USP38: variants seen among roughly 807,000 people sequenced by gnomAD.
The protein encoded by USP38 is ubiquitin carboxyl-terminal hydrolase 38.
A neutral mutation model predicts 94.3 loss-of-function variants in USP38; 49 were observed. The ratio of observed to expected loss-of-function variants is 0.52; its 90% CI spans 0.41 to 0.66. The LOEUF (loss-of-function observed/expected upper bound fraction) is 0.66, where lower values mean the gene tolerates loss of function less well. USP38 is among the 30% of genes least tolerant of loss of function. The pLI is 0.00. For missense variants in USP38, 1,128 were observed against 1,229.4 expected (o/e 0.92, Z 1.23); for synonymous variants, 468 against 463.6 (o/e 1.01, Z -0.12).
intron 2 of USP38, among the ~76,000 whole-genome samples, chr4:143,192,344 A>G (rs1731420140): frequency 6.6e-6 from 1 of 152,046 alleles, no homozygotes; most frequent in African/African-American, 2.4e-5. Flanking sequence ...TTGTATTTTT[A>G]GTAGAGATGG....
intron 2 of USP38, among the ~76,000 whole-genome samples, chr4:143,192,985 C>G (rs1038945438): frequency 6.6e-6 from 1 of 152,148 alleles, no homozygotes; most frequent in African/African-American, 2.4e-5. Flanking sequence ...ACTCTCTGCT[C>G]TCGTCCTCTC....
At position 143,213,702 on chromosome 4, in the gene USP38, C is replaced by A. The variant is rs201418148; in HGVS notation, c.1726C>A (p.Pro576Thr). 6 of 1,613,686 alleles carry A rather than the reference C, an allele frequency of 3.7e-6. No homozygotes were observed. Among genetic ancestry groups the A allele is most frequent in the Non-Finnish European group, 4.2e-6 (5 of 1,179,808 alleles). ...ASKAAVLTET[P>T]RTSDGEKTLI... is the part of the protein sequence containing the mutation. ...TAAAGCAGCAGTACTAACAGAGACC[C>A]CTCGTACAAGTGACGGTGAGAAGAC... Residue 576 changes from proline (P) to threonine (T), a missense_variant, in exon 9 of 10, where the codon CCT becomes ACT. By Grantham distance (38) the Pro-to-Thr change is conservative. Coordinates refer to ENST00000307017, the MANE Select transcript of USP38 (RefSeq NM_032557.6).
chr4:143,203,514 ATCATTATTCTGGAT>A lies in USP38; in HGVS notation c.1159_1172del (p.His387SerfsTer5). On this transcript the variant is annotated frameshift_variant, in exon 5 of 10. Transcript: ENST00000307017. LOFTEE classifies it high-confidence loss of function. The stretch of plus-strand genomic sequence containing the variant: ...ACAGAATTGATACACTGTATGATGT[ATCATTATTCTGGAT>A]TTCCAGATCTCTATGAACCTATTCT... 1 of 1,613,000 alleles carries A rather than the reference ATCATTATTCTGGAT, an allele frequency of 6.2e-7. No individual in the cohort carries two copies.
chr4:143,198,110 C>G (rs889423943), intron 4 of USP38, among the ~76,000 whole-genome samples, 186 bp downstream of exon 4: 1 of 152,162 alleles, frequency 6.6e-6, no homozygotes, highest in Non-Finnish European at 1.5e-5. Flanking sequence ...ATTTTCGTGT[C>G]TCATTCAAAC....
chr4:143,215,654 C>A (rs1424251623), intron 9 of USP38: 2 of 151,598 alleles, frequency 1.3e-5, no homozygotes, highest in Non-Finnish European at 2.9e-5. Flanking sequence ...AGGTGAAATT[C>A]TAGGTACATT....
In USP38 at chr4:143,187,914, T is replaced by C; in HGVS notation, c.771T>C (p.Thr257=). ...TTACAGTTCTCATCAGGAGCCTTAC[T>C]ACGGATCCAAATGTAAAAGATGCAA... The part of the protein sequence containing the change: ...QMITVLIRSL[T]TDPNVKDASM... Residue 257 remains threonine, a synonymous_variant, in exon 2 of 10, where the codon ACT becomes ACC. Coordinates refer to ENST00000307017, the MANE Select transcript of USP38 (RefSeq NM_032557.6). 6.2e-7 allele frequency: 1 copy of C among 1,613,818 alleles called. No individual in the cohort carries two copies. Among genetic ancestry groups the C allele is most frequent in the Middle Eastern group, 1.7e-4 (1 of 6,058 alleles).
chr4:143,201,858 A>G (rs1031549635), intron 4 of USP38, among the ~76,000 whole-genome samples: 2 of 152,190 alleles, frequency 1.3e-5, no homozygotes, highest in Non-Finnish European at 2.9e-5. Flanking sequence ...ACTTTCACAC[A>G]TTTAGAAAGT....
chr4:143,188,374 T>G (rs1731292735), intron 2 of USP38, among the ~76,000 whole-genome samples: 1 of 152,114 alleles, frequency 6.6e-6, no homozygotes, highest in Non-Finnish European at 1.5e-5. Flanking sequence ...TGCCTTTGCC[T>G]GTTTGAATTT....
chr4:143,218,656 C>T (rs958749809), intron 9 of USP38, among the ~76,000 whole-genome samples: 6 of 152,042 alleles, frequency 3.9e-5, no homozygotes, highest in African/African-American at 7.2e-5. Flanking sequence ...TTATGTCATT[C>T]GACATAGTTT....
intron 4 of USP38, among the ~76,000 whole-genome samples, chr4:143,199,696 T>C (rs988732267): frequency 1.3e-5 from 2 of 152,110 alleles, no homozygotes; most frequent in African/African-American, 4.8e-5. Context: ...GAGATGGTAG[T>C]TCATTGTGGT....
Position 143,220,836 on chromosome 4 carries a change from T to TAA in USP38, c.*388_*389dup, listed in dbSNP as rs571431879. 333 of 153,832 alleles carry TAA rather than the reference T, an allele frequency of 2.2e-3. 1 individual carries two copies. The highest frequency in any genetic ancestry group is 7.9e-3 in the African/African-American group (327 of 41,476). The allele number at this position is 153,832 out of a possible 1,614,324, so 9.5% of individuals were successfully genotyped here. A position where few individuals can be genotyped will look rare whatever the true frequency, so the allele number is the denominator to read the frequency against. ...TTTATAAAAGAATTGATGCTAGAGG[T>TAA]AAAAAAAAATACTTGTTTTTAAAAA... On this transcript the variant is annotated 3_prime_UTR_variant, in exon 10 of 10. Coordinates refer to ENST00000307017, the MANE Select transcript of USP38 (RefSeq NM_032557.6).
At chr4:143,211,869 G>A (rs181067640) in intron 7 of USP38, among the ~76,000 whole-genome samples, 1 of 152,262 alleles carries the variant, frequency 6.6e-6, no homozygotes, top group Admixed American at 6.5e-5. Flanking sequence ...AAGTAGGTAT[G>A]CATGACTCTA....
rs774021603 is a variant in USP38, at chr4:143,187,829, C to G, written c.686C>G (p.Ala229Gly). 5 of 1,606,036 alleles carry G rather than the reference C, an allele frequency of 3.1e-6. No individual in the cohort carries two copies. Among genetic ancestry groups the G allele is most frequent in the Non-Finnish European group, 4.2e-6 (5 of 1,177,176 alleles). Reference protein sequence around the residue: ...EVFASISSTDASFEPSVALAS... With the variant: ...EVFASISSTDGSFEPSVALAS... The stretch of plus-strand genomic sequence containing the variant: ...TTCTTTTTAATTGAAAAAACAGATG[C>G]ATCATTTGAACCTTCTGTAGCATTG... Residue 229 changes from alanine to glycine, a missense_variant, in exon 2 of 10, where the codon GCA (alanine) becomes GGA (glycine). Ala to Gly is a moderately conservative substitution (Grantham distance 60, BLOSUM62 0). Transcript: ENST00000307017.
chr4:143,202,048 C>T (rs780084180), intron 4 of USP38, among the ~76,000 whole-genome samples: 2 of 152,088 alleles, frequency 1.3e-5, no homozygotes, highest in Admixed American at 6.6e-5. Flanking sequence ...AAAATTTTTG[C>T]CTCTTCTGTC....
chr4:143,194,407 A>G (rs1290290966), intron 2 of USP38, among the ~76,000 whole-genome samples: 1 of 152,148 alleles, frequency 6.6e-6, no homozygotes, highest in East Asian at 1.9e-4. Flanking sequence ...TAAACCAGTC[A>G]CTCTGGCTTC....
rs755869930 is a variant in USP38, at chr4:143,222,475, A to G, written c.*2019A>G. On this transcript the variant is annotated 3_prime_UTR_variant, in exon 10 of 10. Transcript: ENST00000307017. ...GATTGCATAGCACTTACGTTGTGCT[A>G]TGTAGTTGTTATATTGTTTTTTCAT... The G allele has an allele frequency of 1.3e-5, 2 of 152,068 alleles. No homozygotes were observed. The highest frequency in any genetic ancestry group is 2.4e-5 in the African/African-American group (1 of 41,444). The allele number at this position is 152,068 out of a possible 1,614,324, so 9.4% of individuals were successfully genotyped here. A position where few individuals can be genotyped will look rare whatever the true frequency, so the allele number is the denominator to read the frequency against.
Position 143,185,355 on chromosome 4 carries a change from C to T in USP38, c.-96C>T, listed in dbSNP as rs1371076392. 2 of 1,382,126 alleles carry T rather than the reference C, an allele frequency of 1.4e-6. No individual in the cohort carries two copies. Among genetic ancestry groups the T allele is most frequent in the East Asian group, 4.8e-5 (2 of 41,428 alleles). The allele number at this position is 1,382,126 out of a possible 1,614,324, so 85.6% of individuals were successfully genotyped here. A position where few individuals can be genotyped will look rare whatever the true frequency, so the allele number is the denominator to read the frequency against. Reference sequence around the variant, plus strand: ...CCCGTCGCGCTGCTGCTGCGGCGCTCCAAGTTCATCTCCGCCCCGGGGCTC... The same window carrying T: ...CCCGTCGCGCTGCTGCTGCGGCGCTTCAAGTTCATCTCCGCCCCGGGGCTC... On this transcript the variant is annotated 5_prime_UTR_variant, in exon 1 of 10. Transcript: ENST00000307017.
intron 7 of USP38, among the ~76,000 whole-genome samples, chr4:143,212,004 A>G (rs1265981017): frequency 6.6e-6 from 1 of 152,140 alleles, no homozygotes; most frequent in East Asian, 1.9e-4. Flanking sequence ...TGATACCAGG[A>G]GCTTTATATC....
intron 4 of USP38, among the ~76,000 whole-genome samples, chr4:143,200,510 A>G (rs906797830): frequency 4.6e-5 from 7 of 152,182 alleles, no homozygotes; most frequent in African/African-American, 1.4e-4. Flanking sequence ...CCTAATCAAT[A>G]TAGTACTGGA....
Sources: allele counts gnomAD v4.1 joint callset (sites outside exome capture counted in the v4.1 genomes callset), GRCh38; gene constraint gnomAD v4.1.1; transcripts MANE v1.5; gene names NCBI Gene and HGNC (gene_info 2026-07-23, HGNC 2026-07-21).